Variants in STK26 observed in about 807,000 individuals in gnomAD.
STK26 encodes serine/threonine kinase 26.
Under a neutral mutation model 34.7 loss-of-function variants are expected in STK26, and 14 were observed. That is an observed-to-expected ratio of 0.40 (90% CI 0.27 to 0.63). The LOEUF (loss-of-function observed/expected upper bound fraction) is 0.63, where lower values mean the gene tolerates loss of function less well. STK26 is among the 30% of genes least tolerant of loss of function. STK26 has a pLI of 0.38. For missense variants in STK26, 226 were observed against 309.1 expected (o/e 0.73, Z 2.02); for synonymous variants, 100 against 109.8 (o/e 0.91, Z 0.56).
chrX:132,060,620 T>C (rs1163514795), intron 3 of STK26, among the ~76,000 whole-genome samples: 10 of 109,647 alleles, frequency 9.1e-5, no homozygotes, highest in Non-Finnish European at 1.3e-4. Context: ...GTTTTTTTGT[T>C]TTGCTTTTTT....
chrX:132,044,686 TATAG>T (rs1354093961), intron 2 of STK26, among the ~76,000 whole-genome samples: 5 of 61,410 alleles, frequency 8.1e-5, no homozygotes, highest in Non-Finnish European at 9.3e-5. Flanking sequence ...TATATATATA[TATAG>T]AGAGAGAGAG....
chrX:132,037,746 A>C (rs189028490), intron 2 of STK26, among the ~76,000 whole-genome samples: 5 of 99,984 alleles, frequency 5.0e-5, no homozygotes, highest in African/African-American at 1.5e-4. Context: ...TGTGACAAAC[A>C]AAGTCTTGTA....
At position 132,063,435 on chromosome X, in the gene STK26, G is replaced by A; in HGVS notation, c.276G>A (p.Gly92=). The part of the protein sequence containing the change: ...VTKYYGSYLK[G]SKLWIIMEYL... The stretch of plus-strand genomic sequence containing the variant: ...TAAATTGTTTCATGGCTTTACAGGG[G>A]TCTAAATTATGGATAATAATGGAAT... The change falls in exon 4 of 12, where the codon GGG becomes GGA. Residue 92 remains glycine, a splice_region_variant and synonymous_variant. Coordinates refer to ENST00000394334, the MANE Select transcript of STK26 (RefSeq NM_016542.4). The A allele has an allele frequency of 1.7e-6, 2 of 1,206,048 alleles. No individual in the cohort carries two copies. Among genetic ancestry groups the A allele is most frequent in the Non-Finnish European group, 2.2e-6 (2 of 891,696 alleles).
At chrX:132,073,431 T>A (rs1313748014) in intron 11 of STK26, among the ~76,000 whole-genome samples, 2 of 111,596 alleles carry the variant, frequency 1.8e-5, no homozygotes, top group Non-Finnish European at 3.8e-5. Flanking sequence ...TTCTTGCCAC[T>A]ACCCTCAGAA....
At chrX:132,057,626 G>A (rs1602766726) in intron 3 of STK26, among the ~76,000 whole-genome samples, 1 of 111,391 alleles carries the variant, frequency 9.0e-6, no homozygotes, top group African/African-American at 3.3e-5. Flanking sequence ...TGGTGACTTT[G>A]TCATCGCTTT....
chrX:132,072,545 A>T (rs971665876), intron 9 of STK26, among the ~76,000 whole-genome samples, 184 bp downstream of exon 9: 3 of 96,264 alleles, frequency 3.1e-5, no homozygotes, highest in Non-Finnish European at 6.4e-5. Flanking sequence ...GAAGTTATTT[A>T]AGTGGCCATA....
intron 9 of STK26, among the ~76,000 whole-genome samples, chrX:132,072,572 G>A (rs1927450326): frequency 1.8e-5 from 2 of 111,067 alleles, no homozygotes; most frequent in Admixed American, 9.6e-5. Context: ...TTTTTTAAGT[G>A]CATTTCACCT....
At chrX:132,025,972 A>G (rs1282693672) in intron 2 of STK26, among the ~76,000 whole-genome samples, 4 of 111,830 alleles carry the variant, frequency 3.6e-5, no homozygotes, top group East Asian at 2.8e-4. Flanking sequence ...TCAGTTAGCC[A>G]TGTGTTCTTG....
chrX:132,061,332 G>A (rs1457406282), intron 3 of STK26, among the ~76,000 whole-genome samples: 1 of 111,688 alleles, frequency 9.0e-6, no homozygotes, highest in Non-Finnish European at 1.9e-5. Context: ...AAGTATAAAG[G>A]TACATCAGAG....
intron 2 of STK26, among the ~76,000 whole-genome samples, chrX:132,044,556 T>C (rs1045750583): frequency 9.7e-6 from 1 of 103,385 alleles, no homozygotes; most frequent in South Asian, 4.5e-4. Flanking sequence ...TACTGAAGCA[T>C]TGGGCTTGAA....
intron 2 of STK26, among the ~76,000 whole-genome samples, chrX:132,039,135 A>G (rs1204962492): frequency 3.6e-5 from 4 of 111,244 alleles, no homozygotes; most frequent in Non-Finnish European, 7.6e-5. Context: ...GTCAATCTGT[A>G]TAACTAGACG....
chrX:132,055,532 C>T, intron 3 of STK26: 3 of 1,136,581 alleles, frequency 2.6e-6, no homozygotes, highest in Non-Finnish European at 3.5e-6. Context: ...GTTGGTAAAA[C>T]CCAGTGGTCC....
In STK26 at chrX:132,071,218, G is replaced by T. The variant is rs181805052; in HGVS notation, c.932+1G>T. 1 of 1,203,707 alleles carries T rather than the reference G, an allele frequency of 8.3e-7. No homozygotes were observed. Among genetic ancestry groups the T allele is most frequent in the Admixed American group, 2.2e-5 (1 of 44,706 alleles). ...AATCTGATTCCGAGGGCTCTGATTC[G>T]TATGTACAAATTATTTAATTTTTAT... On this transcript the variant is annotated splice_donor_variant, in intron 8 of 11. Transcript: ENST00000394334. LOFTEE classifies it high-confidence loss of function.
intron 2 of STK26, among the ~76,000 whole-genome samples, chrX:132,030,245 G>A (rs1027157005): frequency 9.0e-6 from 1 of 111,033 alleles, no homozygotes; most frequent in Non-Finnish European, 1.9e-5. Flanking sequence ...AGAGAAAAAT[G>A]AGCTTCATTG....
intron 2 of STK26, among the ~76,000 whole-genome samples, chrX:132,035,796 AAAAC>A (rs1439090148): frequency 2.9e-5 from 3 of 104,180 alleles, no homozygotes; most frequent in East Asian, 3.0e-4. Flanking sequence ...CTCAAAAAAA[AAAAC>A]AAACAAACCA....
At chrX:132,068,105 C>A in intron 4 of STK26, 110 bp from the exon 5 acceptor site, 1 of 528,049 alleles carries the variant, frequency 1.9e-6, no homozygotes, top group Non-Finnish European at 3.0e-6. Context: ...ATAAACAGAA[C>A]GGCATCATGT....
chrX:132,023,652 G>A lies in STK26; in HGVS notation c.35G>A (p.Gly12Glu). 3 of 1,180,315 alleles carry A rather than the reference G, an allele frequency of 2.5e-6. No individual in the cohort carries two copies. The highest frequency in any genetic ancestry group is 3.4e-6 in the Non-Finnish European group (3 of 879,779). Residue 12 changes from glycine (G) to glutamate (E), a missense_variant, in exon 2 of 12, where the codon GGG becomes GAG. This residue lies in a region of STK26 where 100 missense variants were observed against 176.7 expected (regional missense o/e 0.57). Transcript: ENST00000394334. Reference sequence around the variant, plus strand: ...TCGCCGGTGGCTGTCCAAGTGCCTGGGATGCAGGTGAGGAAGCGCAGGCCG... The same window carrying A: ...TCGCCGGTGGCTGTCCAAGTGCCTGAGATGCAGGTGAGGAAGCGCAGGCCG... Reference protein sequence around the residue: ...AHSPVAVQVPGMQNNIADPEE... With the variant: ...AHSPVAVQVPEMQNNIADPEE...
intron 2 of STK26, among the ~76,000 whole-genome samples, chrX:132,051,566 G>T (rs1926690748): frequency 1.8e-5 from 2 of 111,494 alleles, no homozygotes; most frequent in Admixed American, 9.5e-5. Flanking sequence ...TGTGATTTTT[G>T]CAGTAGAGGT....
intron 8 of STK26, 70 bp downstream of exon 8, chrX:132,071,287 C>T: frequency 9.3e-7 from 1 of 1,070,335 alleles, no homozygotes; most frequent in Non-Finnish European, 1.3e-6. Flanking sequence ...AGCTATGCTC[C>T]AGTGTGCTTG....
Sources: gnomAD v4.1 joint callset for allele counts (sites outside exome capture counted in the v4.1 genomes callset) on GRCh38, gnomAD v4.1.1 for gene constraint, gnomAD v4.1.1 regional missense constraint, MANE v1.5 for transcripts, NCBI Gene and HGNC (gene_info 2026-07-23, HGNC 2026-07-21) for gene names.